Variants in RYR1 observed in about 807,000 individuals in gnomAD.
RYR1 encodes ryanodine receptor 1, also known as central core disease of muscle.
RYR1 carries 342 observed loss-of-function variants against 583.5 expected under a neutral mutation model. That is an observed-to-expected ratio of 0.59 (90% CI 0.54 to 0.64). RYR1 has a LOEUF of 0.64. RYR1 is among the 30% of genes least tolerant of loss of function. The pLI, the probability that RYR1 is intolerant of heterozygous loss-of-function variation, is 0.00. For synonymous variants in RYR1, 2,791 were observed against 2,822.5 expected, an observed-to-expected ratio of 0.99 and a Z score of 0.35; for missense variants, 6,032 against 6,917.2, an observed-to-expected ratio of 0.87 and a Z score of 4.54.
At chr19:38,462,819 C>T (rs1358567386) in intron 20 of RYR1, among the ~76,000 whole-genome samples, 1 of 151,706 alleles carries the variant, frequency 6.6e-6, no homozygotes, top group Non-Finnish European at 1.5e-5. Flanking sequence ...AGCCCCAGGC[C>T]CTGCCCTCAT....
At chr19:38,464,439 ATAGT>A (rs1289937512) in intron 22 of RYR1, among the ~76,000 whole-genome samples, 196 bp from the exon 23 acceptor site, 23 of 152,270 alleles carry the variant, frequency 1.5e-4, no homozygotes, top group South Asian at 1.4e-3. Flanking sequence ...AAAGACAGAC[ATAGT>A]TAGTTATACA....
chr19:38,523,297 C>T lies in RYR1; in HGVS notation c.10428C>T (p.Ser3476=), dbSNP rs759303706. 4 of 1,614,078 alleles carry T rather than the reference C, an allele frequency of 2.5e-6. No individual in the cohort carries two copies. The highest frequency in any genetic ancestry group is 2.2e-5 in the East Asian group (1 of 44,892). ...NMSFLTADNK[S]KMAKAGDIQS... is the part of the protein sequence containing the mutation. ...CCTTCCTGACTGCTGACAACAAAAG[C>T]AAAATGGCTAAGGTCGGGGCTTGGT... The change falls in exon 69 of 106, where the codon AGC becomes AGT. Residue 3476 remains serine, a synonymous_variant. Transcript: ENST00000359596.
At chr19:38,438,166 CCTT>C (rs1362833072) in intron 1 of RYR1, among the ~76,000 whole-genome samples, 3 of 151,704 alleles carry the variant, frequency 2.0e-5, no homozygotes, top group African/African-American at 7.3e-5. Context: ...AGGCCTGATT[CCTT>C]CTTGTTATTT....
Position 38,578,131 on chromosome 19 carries a change from C to T in RYR1, c.14304-13C>T, listed in dbSNP as rs1363691117. 3.7e-6 allele frequency: 6 copies of T among 1,613,128 alleles called. No homozygotes were observed. The highest frequency in any genetic ancestry group is 4.2e-6 in the Non-Finnish European group (5 of 1,179,626). On this transcript the variant is annotated splice_polypyrimidine_tract_variant and intron_variant, in intron 98 of 105. Transcript: ENST00000359596. ...TGACACTCAAGCATCTCTCCCCACC[C>T]CCGCCCCCACAGGCTCATGTCCATC...
In RYR1 at chr19:38,565,640, G is replaced by A. The variant is rs1305482012; in HGVS notation, c.13306G>A (p.Gly4436Arg). The A allele has an allele frequency of 7.2e-7, 1 of 1,394,422 alleles. No individual in the cohort carries two copies. The highest frequency in any genetic ancestry group is 9.2e-7 in the Non-Finnish European group (1 of 1,085,294). The allele number at this position is 1,394,422 out of a possible 1,614,324, so 86.4% of individuals were successfully genotyped here. The change falls in exon 91 of 106, where the codon GGG (glycine) becomes AGG (arginine). Residue 4436 changes from glycine to arginine, a missense_variant. This residue lies in a region of RYR1 where 753 missense variants were observed against 759.6 expected (regional missense o/e 0.99). Coordinates refer to ENST00000359596, the MANE Select transcript of RYR1 (RefSeq NM_000540.3). This position sits in a 1 kb window ranked among gnomAD's most constrained non-coding sequence, Gnocchi z 4.7. ...VHEAGPGGAD[G>R]AVAVTDGGPF... is the part of the protein sequence containing the mutation. ...CGAGGCCGGGCCGGGCGGTGCCGACGGGGCGGTGGCCGTGACCGATGGGGG... is the reference window on the plus strand; with the variant it reads ...CGAGGCCGGGCCGGGCGGTGCCGACAGGGCGGTGGCCGTGACCGATGGGGG...
At chr19:38,450,061 G>A (rs1252342574) in intron 11 of RYR1, among the ~76,000 whole-genome samples, 1 of 152,100 alleles carries the variant, frequency 6.6e-6, no homozygotes, top group South Asian at 2.1e-4. Context: ...GAGTGAGATG[G>A]GCTCACAGGA....
chr19:38,456,723 C>T (rs1176922235), intron 16 of RYR1, among the ~76,000 whole-genome samples: 2 of 151,148 alleles, frequency 1.3e-5, no homozygotes, highest in Middle Eastern at 3.4e-3. Flanking sequence ...TTTATTCAGT[C>T]GGAGCAAAAG....
At chr19:38,504,177 G>A in intron 49 of RYR1, 43 bp from the exon 50 acceptor site, 1 of 1,582,862 alleles carries the variant, frequency 6.3e-7, no homozygotes, top group Non-Finnish European at 8.6e-7. Context: ...GCCATTCGCT[G>A]GTGCCCCCCT....
intron 90 of RYR1, among the ~76,000 whole-genome samples, chr19:38,564,517 CTT>C (rs1014124025): frequency 2.1e-5 from 3 of 143,638 alleles, no homozygotes; most frequent in Non-Finnish European, 3.1e-5. Context: ...TAGATCTTGT[CTT>C]TTTTTTTTTT....
At chr19:38,580,582 G>A (rs1179912825) in intron 101 of RYR1, 78 bp downstream of exon 101, 14 of 1,571,698 alleles carry the variant, frequency 8.9e-6, no homozygotes, top group South Asian at 6.8e-5. Flanking sequence ...CCTCCAGGCC[G>A]GGCGTGGTGC....
rs121918594 is a variant in RYR1 at position 38,500,655 on chromosome 19, G to T, written c.7373G>T (p.Arg2458Leu). ...GEALRIRAILRSLVPLEDLVG... is the reference protein window; with the variant it reads ...GEALRIRAILLSLVPLEDLVG... ...GCCCTGCGGATCCGCGCCATCCTCC[G>T]CTCCCTTGTGCCCTTGGAGGACCTT... The change falls in exon 46 of 106, where the codon CGC becomes CTC. Residue 2458 changes from arginine (R) to leucine (L), a missense_variant. By Grantham distance (102) the Arg-to-Leu change is moderately radical. Transcript: ENST00000359596. The surrounding 1 kb of genome is among the most constrained non-coding windows in gnomAD (Gnocchi z 5.9). 6.2e-7 allele frequency: 1 copy of T among 1,613,910 alleles called. No homozygotes were observed. Among genetic ancestry groups the T allele is most frequent in the Non-Finnish European group, 8.5e-7 (1 of 1,180,000 alleles).
At chr19:38,505,493 C>T in intron 53 of RYR1, 95 bp downstream of exon 53, 1 of 924,312 alleles carries the variant, frequency 1.1e-6, no homozygotes, top group East Asian at 2.6e-5. Flanking sequence ...ATGTTTGCAT[C>T]TAGGTGGATC....
Position 38,455,617 on chromosome 19 carries a change from C to T in RYR1, c.1673-16C>T. 3 of 1,610,324 alleles carry T rather than the reference C, an allele frequency of 1.9e-6. No individual in the cohort carries two copies. Among genetic ancestry groups the T allele is most frequent in the Non-Finnish European group, 1.7e-6 (2 of 1,176,548 alleles). On this transcript the variant is annotated splice_polypyrimidine_tract_variant and intron_variant, in intron 15 of 105. Transcript: ENST00000359596. ...GGGCATGGCCGCTTCACCTCTCATT[C>T]TGGGCACCCTGGCAGGCATCCTGGA...
rs369422480 is a variant in RYR1, at chr19:38,525,381, G to T, written c.10505G>T (p.Arg3502Leu). ...ACCAAGAAGAAGCGCCGGGGGGACC[G>T]GTACTCTGTGCAGACGTCACTGATC... ...ERTKKKRRGD[R>L]YSVQTSLIVA... The change falls in exon 71 of 106, where the codon CGG (arginine) becomes CTG (leucine). Residue 3502 changes from arginine to leucine, a missense_variant. Transcript: ENST00000359596. 1 of 1,613,938 alleles carries T rather than the reference G, an allele frequency of 6.2e-7. No individual in the cohort carries two copies. The highest frequency in any genetic ancestry group is 8.5e-7 in the Non-Finnish European group (1 of 1,179,972).
rs552847357 is a variant in RYR1 at position 38,516,508 on chromosome 19, T to A, written c.9685+291T>A. Among the ~76,000 whole-genome samples, 6 of 152,292 alleles carry A rather than the reference T, an allele frequency of 3.9e-5. No individual in the cohort carries two copies. In the South Asian group the frequency reaches 1.2e-3, roughly 32 times the overall value. ...GGCCAGGCGCAGTGGGTCACGCCTG[T>A]AATCCCAGTACTTTGGGAGGCCAAG... is the stretch of plus-strand genomic sequence containing the variant. On this transcript the variant is annotated intron_variant, in intron 65 of 105. Transcript: ENST00000359596.
In RYR1 at chr19:38,488,766, A is replaced by G. The variant is rs879726999; in HGVS notation, c.5548-411A>G. Among the ~76,000 whole-genome samples the G allele has an allele frequency of 5.3e-4, 81 of 152,280 alleles. 1 individual carries two copies. The highest frequency in any genetic ancestry group is 1.9e-4 in the Non-Finnish European group (13 of 68,028). ...GTGATCTGCCCGCCTTGGTCTCCCA[A>G]AGTGCTGGGATTACAGGTGTGAGCC... On this transcript the variant is annotated intron_variant, in intron 34 of 105. Transcript: ENST00000359596.
At chr19:38,492,862 A>T (rs1969620124) in intron 38 of RYR1, among the ~76,000 whole-genome samples, 1 of 152,028 alleles carries the variant, frequency 6.6e-6, no homozygotes, top group African/African-American at 2.4e-5. Flanking sequence ...TGAGGTCAGG[A>T]TTTGGAGACC....
intron 1 of RYR1, among the ~76,000 whole-genome samples, chr19:38,437,822 A>T (rs1972492385): frequency 6.6e-6 from 1 of 151,360 alleles, no homozygotes; most frequent in South Asian, 2.1e-4. Context: ...TGTCTACAAA[A>T]ATATATATAT....
At chr19:38,455,111 G>C (rs1264664481) in intron 13 of RYR1, 124 bp from the exon 14 acceptor site, 6 of 1,175,486 alleles carry the variant, frequency 5.1e-6, no homozygotes, top group Non-Finnish European at 7.6e-6. Flanking sequence ...CAAAGGGGCT[G>C]ATTTAGATCT....
Sources: gnomAD v4.1 joint callset for allele counts (sites outside exome capture counted in the v4.1 genomes callset) on GRCh38, gnomAD v4.1.1 for gene constraint, gnomAD v4.1.1 regional missense constraint, Gnocchi (gnomAD v3.1) non-coding constraint, MANE v1.5 for transcripts, NCBI Gene and HGNC (gene_info 2026-07-23, HGNC 2026-07-21) for gene names.